The following HECTD4 variants were observed in gnomAD, a reference collection of about 807,000 sequenced individuals.
HECTD4 encodes HECT domain E3 ubiquitin protein ligase 4, also known as probable E3 ubiquitin-protein ligase HECTD4.
In HECTD4, 114 loss-of-function variants were observed where a neutral mutation model predicts 471.5. The ratio of observed to expected loss-of-function variants is 0.24; its 90% CI spans 0.21 to 0.28. HECTD4 has a LOEUF of 0.28. Ranked by LOEUF, HECTD4 falls within the 10% of genes least tolerant of loss-of-function variation. HECTD4 has a pLI of 1.00. For synonymous variants in HECTD4, 2,012 were observed against 2,256.0 expected (o/e 0.89, Z 3.07); for missense variants, 3,866 against 5,651.5 (o/e 0.68, Z 10.13).
chr12:112,220,005 A>G (rs2033044275), intron 44 of HECTD4, among the ~76,000 whole-genome samples: 1 of 151,934 alleles, frequency 6.6e-6, no homozygotes, highest in Non-Finnish European at 1.5e-5. Context: ...GTGCAGTCCA[A>G]CTCCTGGATT....
At position 112,184,558 on chromosome 12, in the gene HECTD4, C is replaced by T; in HGVS notation, c.10408G>A (p.Glu3470Lys). 2 of 1,613,368 alleles carry T rather than the reference C, an allele frequency of 1.2e-6. No homozygotes were observed. Among genetic ancestry groups the T allele is most frequent in the Non-Finnish European group, 1.7e-6 (2 of 1,179,844 alleles). ...TLAFPGTDSM[E>K]VSTSSSLTPA... ...GTCAGGCTGCTGGACGTGCTGACCT[C>T]CATGCTGTCTGTGCCGGGGAAGGCC... The change falls in exon 61 of 76, where the codon GAG becomes AAG. Residue 3470 changes from glutamate (E) to lysine (K), a missense_variant. This residue lies in a region of HECTD4 where 192 missense variants were observed against 189.9 expected (regional missense o/e 1.01). Transcript: ENST00000682272. This position sits in a 1 kb window ranked among gnomAD's most constrained non-coding sequence, Gnocchi z 9.1.
Position 112,229,690 on chromosome 12 carries a change from G to A in HECTD4, c.6519+8C>T. 1 of 1,605,268 alleles carries A rather than the reference G, an allele frequency of 6.2e-7. No homozygotes were observed. The highest frequency in any genetic ancestry group is 1.1e-5 in the South Asian group (1 of 90,290). The stretch of plus-strand genomic sequence containing the variant: ...AAGCAATGATTTGGGGAACATGGTG[G>A]TTGGTACCTGAACCTCGGATCCTAT... On this transcript the variant is annotated splice_region_variant and intron_variant, in intron 41 of 75. Transcript: ENST00000682272.
chr12:112,297,315 G>A (rs1162487399), intron 7 of HECTD4, among the ~76,000 whole-genome samples: 1 of 151,616 alleles, frequency 6.6e-6, no homozygotes, highest in Non-Finnish European at 1.5e-5. Context: ...TGCAGTGGAT[G>A]TAGGTGCAGA....
intron 2 of HECTD4, among the ~76,000 whole-genome samples, chr12:112,315,483 T>C (rs1244143490): frequency 6.6e-6 from 1 of 152,082 alleles, no homozygotes; most frequent in Non-Finnish European, 1.5e-5. Flanking sequence ...AGATAGAGTA[T>C]AAAAACAAGT....
rs1220081333 is a variant in HECTD4 at position 112,237,035 on chromosome 12, T to C, written c.5354A>G (p.His1785Arg). The change falls in exon 35 of 76, where the codon CAT (histidine) becomes CGT (arginine). Residue 1785 changes from histidine (H) to arginine (R), a missense_variant. His to Arg is a conservative substitution (Grantham distance 29, BLOSUM62 0). Coordinates refer to ENST00000682272, the MANE Select transcript of HECTD4 (RefSeq NM_001388303.1). ...ARQVSSLLTNHLARATECCGN... is the reference protein window; with the variant it reads ...ARQVSSLLTNRLARATECCGN... ...ACAGCACTCTGTGGCTCGGGCAAGA[T>C]GGTTAGTGAGAAGGCTGGACACCTG... 2 of 1,608,076 alleles carry C rather than the reference T, an allele frequency of 1.2e-6. No individual in the cohort carries two copies. Among genetic ancestry groups the C allele is most frequent in the East Asian group, 2.2e-5 (1 of 44,686 alleles).
Position 112,192,736 on chromosome 12 carries a change from C to T in HECTD4, c.9116G>A (p.Arg3039Gln), listed in dbSNP as rs901815110. 5 of 1,591,600 alleles carry T rather than the reference C, an allele frequency of 3.1e-6. No homozygotes were observed. The highest frequency in any genetic ancestry group is 3.4e-6 in the Non-Finnish European group (4 of 1,169,506). ...GTGGCCGAGGCCATATACGAGCACC[C>T]GTGCCCACGGTGCCTTGTACAGAGA... ...DSSLYKAPWA[R>Q]VLVYGLGHKV... The change falls in exon 59 of 76, where the codon CGG (arginine) becomes CAG (glutamine). Residue 3039 changes from arginine (R) to glutamine (Q), a missense_variant. Physicochemically the swap from Arg to Gln is conservative, Grantham distance 43. Transcript: ENST00000682272.
At chr12:112,356,310 C>T (rs1437576659) in intron 1 of HECTD4, among the ~76,000 whole-genome samples, 2 of 152,120 alleles carry the variant, frequency 1.3e-5, no homozygotes, top group Non-Finnish European at 2.9e-5. Context: ...GGAATGAACA[C>T]TAAATAATTA....
chr12:112,273,812 C>G lies in HECTD4; in HGVS notation c.1802-17G>C. The G allele has an allele frequency of 6.2e-7, 1 of 1,612,638 alleles. No homozygotes were observed. Among genetic ancestry groups the G allele is most frequent in the Non-Finnish European group, 8.5e-7 (1 of 1,179,466 alleles). On this transcript the variant is annotated splice_polypyrimidine_tract_variant and intron_variant, in intron 10 of 75. Coordinates refer to ENST00000682272, the MANE Select transcript of HECTD4 (RefSeq NM_001388303.1). ...AACACGCTCCTGCAAAAAGAGCATACTGTATTCAGTCACCATGCCACCAGC... is the reference window on the plus strand; with the variant it reads ...AACACGCTCCTGCAAAAAGAGCATAGTGTATTCAGTCACCATGCCACCAGC...
chr12:112,263,201 A>G (rs2135603723), intron 17 of HECTD4, among the ~76,000 whole-genome samples: 1 of 152,366 alleles, frequency 6.6e-6, no homozygotes, highest in East Asian at 1.9e-4. Flanking sequence ...ATGTCTGCCT[A>G]TTTAAAAATG....
intron 45 of HECTD4, 115 bp from the exon 46 acceptor site, chr12:112,217,310 CACACACAT>C (rs1217317610): frequency 3.6e-6 from 2 of 552,978 alleles, no homozygotes; most frequent in Non-Finnish European, 6.0e-6. Context: ...TACACACACA[CACACACAT>C]ACACACACAC....
chr12:112,311,128 G>A lies in HECTD4; in HGVS notation c.917-1459C>T, dbSNP rs542458064. Among the ~76,000 whole-genome samples the A allele has an allele frequency of 4.9e-4, 75 of 152,248 alleles. No homozygotes were observed. In the Middle Eastern group the frequency reaches 0.01, roughly 21 times the overall value. ...AATACAAAAATTAGCCGGGCATGGT[G>A]GTGGGCACTTGTAATCCCAGCTACT... On this transcript the variant is annotated intron_variant, in intron 4 of 75. Transcript: ENST00000682272.
intron 1 of HECTD4, among the ~76,000 whole-genome samples, chr12:112,324,019 TTCCTTCCTTCCTTC>T: frequency 2.0e-5 from 1 of 49,202 alleles, no homozygotes; most frequent in Admixed American, 2.5e-4. Context: ...CCTTCCTTCC[TTCCTTCCTTCCTTC>T]CTTCCTTCCT....
intron 7 of HECTD4, among the ~76,000 whole-genome samples, chr12:112,299,768 T>C (rs2035124097): frequency 6.6e-6 from 1 of 152,264 alleles, no homozygotes; most frequent in South Asian, 2.1e-4. Context: ...AGACTCTGAA[T>C]ATTATTCAGA....
chr12:112,216,876 T>C lies in HECTD4; in HGVS notation c.7282A>G (p.Thr2428Ala). Reference sequence around the variant, plus strand: ...ACTATGGGTCCGGTGTCATCATCGGTGTCTCCATAGGAAACGATTTCAATT... The same window carrying C: ...ACTATGGGTCCGGTGTCATCATCGGCGTCTCCATAGGAAACGATTTCAATT... ...WEIEIVSYGD[T>A]DDDTGPIVSF... Residue 2428 changes from threonine to alanine, a missense_variant, in exon 47 of 76, where the codon ACC (threonine) becomes GCC (alanine). Physicochemically the swap from Thr to Ala is moderately conservative, Grantham distance 58 (BLOSUM62 0). Transcript: ENST00000682272. 1.2e-6 allele frequency: 2 copies of C among 1,614,038 alleles called. No individual in the cohort carries two copies. The highest frequency in any genetic ancestry group is 1.7e-6 in the Non-Finnish European group (2 of 1,179,890).
At chr12:112,352,335 CTTTT>C (rs1183472420) in intron 1 of HECTD4, among the ~76,000 whole-genome samples, 4 of 136,670 alleles carry the variant, frequency 2.9e-5, no homozygotes, top group Non-Finnish European at 3.2e-5. Flanking sequence ...GATGGAGCAT[CTTTT>C]TTTTTTTTTT....
chr12:112,365,220 T>C (rs2135753590), intron 1 of HECTD4, among the ~76,000 whole-genome samples: 1 of 152,342 alleles, frequency 6.6e-6, no homozygotes, highest in South Asian at 2.1e-4. Context: ...TAACCCATTA[T>C]ATATACAAAT....
rs750203973 is a variant in HECTD4 at position 112,261,299 on chromosome 12, C to T, written c.2873+6G>A. ...AGCTGGTCACAGCCCACAATCCATT[C>T]CTCACCTCTGCTCACGGTCTGCTAT... On this transcript the variant is annotated splice_donor_region_variant and intron_variant, in intron 18 of 75. Coordinates refer to ENST00000682272, the MANE Select transcript of HECTD4 (RefSeq NM_001388303.1). 3 of 1,584,578 alleles carry T rather than the reference C, an allele frequency of 1.9e-6. No individual in the cohort carries two copies. The highest frequency in any genetic ancestry group is 2.6e-6 in the Non-Finnish European group (3 of 1,157,794).
intron 70 of HECTD4, among the ~76,000 whole-genome samples, chr12:112,169,123 C>A (rs1387443630): frequency 6.6e-6 from 1 of 152,224 alleles, no homozygotes; most frequent in Non-Finnish European, 1.5e-5. Flanking sequence ...AGCTGCCAGT[C>A]CTCATCCCTG....
chr12:112,231,045 CTTTA>C (rs2033366206), intron 39 of HECTD4: 4 of 513,114 alleles, frequency 7.8e-6, no homozygotes, highest in Non-Finnish European at 1.0e-5. Flanking sequence ...GGACCTCAAA[CTTTA>C]TTTATAAGCC....
Sources: gnomAD v4.1 joint callset for allele counts (sites outside exome capture counted in the v4.1 genomes callset) on GRCh38, gnomAD v4.1.1 for gene constraint, gnomAD v4.1.1 regional missense constraint, Gnocchi (gnomAD v3.1) non-coding constraint, MANE v1.5 for transcripts, NCBI Gene and HGNC (gene_info 2026-07-23, HGNC 2026-07-21) for gene names.